RANBP17: variants seen among roughly 807,000 people sequenced by gnomAD.
RANBP17 encodes the protein ran-binding protein 17.
In RANBP17, 158 loss-of-function variants were observed where a neutral mutation model predicts 141.2. The ratio of observed to expected loss-of-function variants is 1.12; its 90% CI spans 0.98 to 1.28. RANBP17 has a LOEUF of 1.28. Ranked by LOEUF, RANBP17 falls within the 50% of genes most tolerant of loss-of-function variation. RANBP17 has a pLI of 0.00. For missense variants in RANBP17, 1,438 were observed against 1,290.7 expected (o/e 1.11, Z -1.75); for synonymous variants, 430 against 450.0 (o/e 0.96, Z 0.56).
chr5:171,116,138 TAGA>T (rs1210917851), intron 14 of RANBP17, among the ~76,000 whole-genome samples: 1 of 152,192 alleles, frequency 6.6e-6, no homozygotes, highest in Non-Finnish European at 1.5e-5. Context: ...TACTTCCTGT[TAGA>T]GGAGGAGGGA....
chr5:170,933,648 T>C (rs1182061633), intron 12 of RANBP17, among the ~76,000 whole-genome samples: 1 of 152,238 alleles, frequency 6.6e-6, no homozygotes, highest in Non-Finnish European at 1.5e-5. Context: ...AACATCTTTA[T>C]TTCTGCCTTG....
chr5:171,054,166 A>G (rs962088179), intron 14 of RANBP17, among the ~76,000 whole-genome samples: 1 of 151,852 alleles, frequency 6.6e-6, no homozygotes, highest in Non-Finnish European at 1.5e-5. Flanking sequence ...TGTAAGCAGC[A>G]TATAGTTGAC....
intron 5 of RANBP17, among the ~76,000 whole-genome samples, chr5:170,903,386 G>C (rs536772209): frequency 6.6e-6 from 1 of 152,344 alleles, no homozygotes; most frequent in African/African-American, 2.4e-5. Context: ...CTGGCAGCAA[G>C]AGTTTAAAGC....
intron 14 of RANBP17, among the ~76,000 whole-genome samples, chr5:171,042,889 A>C (rs879459070): frequency 3.7e-4 from 57 of 152,308 alleles, no homozygotes; most frequent in Admixed American, 2.6e-3. Flanking sequence ...TGGATAAATC[A>C]TTTCATAAAG....
intron 14 of RANBP17, among the ~76,000 whole-genome samples, chr5:171,039,862 T>A (rs1055618229): frequency 2.6e-5 from 4 of 152,098 alleles, no homozygotes; most frequent in African/African-American, 9.7e-5. Context: ...TATTGACATT[T>A]GAAATTGAAT....
intron 14 of RANBP17, among the ~76,000 whole-genome samples, chr5:170,983,800 G>A (rs1236070974): frequency 6.6e-6 from 1 of 152,084 alleles, no homozygotes; most frequent in Non-Finnish European, 1.5e-5. Context: ...GAAAACACAG[G>A]GGACAGTGTA....
At chr5:171,174,162 T>C (rs1456439969) in intron 16 of RANBP17, among the ~76,000 whole-genome samples, 1 of 152,166 alleles carries the variant, frequency 6.6e-6, no homozygotes, top group Non-Finnish European at 1.5e-5. Flanking sequence ...TCAGATTCAT[T>C]ACATGGGTAT....
At chr5:171,286,162 G>A (rs1197573651) in intron 25 of RANBP17, among the ~76,000 whole-genome samples, 1 of 152,218 alleles carries the variant, frequency 6.6e-6, no homozygotes, top group Non-Finnish European at 1.5e-5. Context: ...AGGAGGGGAT[G>A]GCAGAGTGGG....
chr5:170,914,190 G>T lies in RANBP17; in HGVS notation c.784G>T (p.Asp262Tyr), dbSNP rs183823072. 1.2e-5 allele frequency: 19 copies of T among 1,609,220 alleles called. No individual in the cohort carries two copies. The East Asian group carries it at 3.6e-4, about 30-fold the overall frequency. The change falls in exon 8 of 28, where the codon GAT becomes TAT. Residue 262 changes from aspartate (D) to tyrosine (Y), a missense_variant. Coordinates refer to ENST00000523189, the MANE Select transcript of RANBP17 (RefSeq NM_022897.5). ...RTIFLEPETL[D>Y]LFFNLYHSLP... ...AGTTTTCCTGGAACCAGAAACATTGGATCTTTTCTTCAATTTGTATCATTC... is the reference window on the plus strand; with the variant it reads ...AGTTTTCCTGGAACCAGAAACATTGTATCTTTTCTTCAATTTGTATCATTC...
intron 14 of RANBP17, among the ~76,000 whole-genome samples, chr5:171,067,312 T>G (rs113708702): frequency 0.012 from 1,774 of 152,308 alleles, 33 homozygotes; most frequent in African/African-American, 0.041. Context: ...TGCATTATTA[T>G]TATTGCCACA....
intron 14 of RANBP17, among the ~76,000 whole-genome samples, chr5:171,047,764 A>G (rs1398929182): frequency 6.6e-6 from 1 of 152,096 alleles, no homozygotes; most frequent in East Asian, 1.9e-4. Context: ...AATACTTTAT[A>G]TATAGATTTT....
intron 13 of RANBP17, among the ~76,000 whole-genome samples, chr5:170,967,047 A>G (rs1776619672): frequency 6.6e-6 from 1 of 152,174 alleles, no homozygotes; most frequent in Admixed American, 6.5e-5. Context: ...ATAAAAGAGG[A>G]TACAAAGAAA....
intron 14 of RANBP17, among the ~76,000 whole-genome samples, chr5:171,098,997 C>T (rs1786918092): frequency 6.6e-6 from 1 of 152,082 alleles, no homozygotes; most frequent in Non-Finnish European, 1.5e-5. Flanking sequence ...CCAGTACCAT[C>T]CTGTTTTGGT....
chr5:170,959,203 A>G (rs576371185), intron 13 of RANBP17, among the ~76,000 whole-genome samples: 1 of 152,260 alleles, frequency 6.6e-6, no homozygotes, highest in Admixed American at 6.5e-5. Context: ...CTCATTATCA[A>G]GACTTTAATA....
At chr5:171,106,403 A>G (rs929417284) in intron 14 of RANBP17, among the ~76,000 whole-genome samples, 1 of 152,164 alleles carries the variant, frequency 6.6e-6, no homozygotes, top group Admixed American at 6.5e-5. Flanking sequence ...TTGAGGAACT[A>G]TAAGATAGGG....
At chr5:170,927,546 G>A (rs1344258557) in intron 12 of RANBP17, among the ~76,000 whole-genome samples, 1 of 151,620 alleles carries the variant, frequency 6.6e-6, no homozygotes, top group Non-Finnish European at 1.5e-5. Context: ...CATTTCCTTT[G>A]CCATTTTTCT....
intron 13 of RANBP17, among the ~76,000 whole-genome samples, chr5:170,966,495 C>G (rs560346189): frequency 2.6e-5 from 4 of 152,110 alleles, no homozygotes; most frequent in Non-Finnish European, 5.9e-5. Flanking sequence ...ATTCAACAAC[C>G]CTTCAAGCTA....
chr5:171,127,392 TTTCTC>T (rs1756555341), intron 14 of RANBP17, among the ~76,000 whole-genome samples: 1 of 152,210 alleles, frequency 6.6e-6, no homozygotes, highest in African/African-American at 2.4e-5. Context: ...TTGAATGTCT[TTTCTC>T]TAATAACTGG....
At chr5:171,178,656 A>T (rs545135969) in intron 16 of RANBP17, among the ~76,000 whole-genome samples, 1 of 152,104 alleles carries the variant, frequency 6.6e-6, no homozygotes, top group Admixed American at 6.5e-5. Context: ...AGGCATTCCT[A>T]TTTCTCCACA....
Sources: gnomAD v4.1 joint callset for allele counts (sites outside exome capture counted in the v4.1 genomes callset) on GRCh38, gnomAD v4.1.1 for gene constraint, MANE v1.5 for transcripts, NCBI Gene and HGNC (gene_info 2026-07-23, HGNC 2026-07-21) for gene names.